The following RPTOR variants were observed in gnomAD, a reference collection of about 807,000 sequenced individuals.
RPTOR encodes regulatory associated protein of MTOR complex 1.
In RPTOR, 21 loss-of-function variants were observed where a neutral mutation model predicts 169.9. The observed-to-expected ratio is 0.12, with a 90% CI of 0.09 to 0.18. The LOEUF (loss-of-function observed/expected upper bound fraction) is 0.18. RPTOR is among the 10% of genes least tolerant of loss of function. RPTOR has a pLI of 1.00. For synonymous variants in RPTOR, 732 were observed against 753.2 expected (o/e 0.97, Z 0.46); for missense variants, 1,133 against 1,855.9 (o/e 0.61, Z 7.16).
chr17:80,669,264 TCTTGCC>T (rs2065804003), intron 3 of RPTOR, among the ~76,000 whole-genome samples: 1 of 152,354 alleles, frequency 6.6e-6, no homozygotes, highest in East Asian at 1.9e-4. Context: ...ATTCTTCTTC[TCTTGCC>T]CTTGCACGGA....
intron 2 of RPTOR, among the ~76,000 whole-genome samples, chr17:80,634,122 G>GTGTGTGTGCATAC (rs2065463395): frequency 6.7e-6 from 1 of 149,098 alleles, no homozygotes; most frequent in African/African-American, 2.5e-5. Context: ...TGCATACTGT[G>GTGTGTGTGCATAC]TGTGTGTGTG....
chr17:80,654,071 A>T (rs1366449231), intron 3 of RPTOR, among the ~76,000 whole-genome samples: 1 of 152,246 alleles, frequency 6.6e-6, no homozygotes, highest in East Asian at 1.9e-4. Context: ...CCCTGAGAAC[A>T]GATGCCAGAT....
At chr17:80,719,127 G>A (rs539940034) in intron 4 of RPTOR, among the ~76,000 whole-genome samples, 1 of 152,130 alleles carries the variant, frequency 6.6e-6, no homozygotes, top group Non-Finnish European at 1.5e-5. Flanking sequence ...TGAGAAGTAG[G>A]GGCAGACATG....
At chr17:80,842,158 C>G (rs909914956) in intron 10 of RPTOR, among the ~76,000 whole-genome samples, 2 of 152,212 alleles carry the variant, frequency 1.3e-5, no homozygotes, top group African/African-American at 4.8e-5. Context: ...GTTTTCAGTC[C>G]TCACTAACAG....
rs952449816 is a variant in RPTOR at position 80,695,854 on chromosome 17, G to A, written c.349-11987G>A. On this transcript the variant is annotated intron_variant, in intron 3 of 33. Transcript: ENST00000306801. The surrounding 1 kb of genome is among the most constrained non-coding windows in gnomAD (Gnocchi z 4.9). The stretch of plus-strand genomic sequence containing the variant: ...GGCTGGAGCTGGTGGGCCAAGGGCC[G>A]CAGACCACTTTTGCCCTGCATGGCC... 6.6e-6 allele frequency among the ~76,000 whole-genome samples: 1 copy of A among 152,216 alleles called. No homozygotes were observed. Among genetic ancestry groups the A allele is most frequent in the African/African-American group, 2.4e-5 (1 of 41,440 alleles).
chr17:80,708,971 G>C lies in RPTOR; in HGVS notation c.507+972G>C, dbSNP rs1170118555. On this transcript the variant is annotated intron_variant, in intron 4 of 33. Transcript: ENST00000306801. The surrounding 1 kb of genome is among the most constrained non-coding windows in gnomAD (Gnocchi z 4.2). ...CTCTGACTCCGTTTCTTCACACACT[G>C]AACTCTCGGTTCCCGCCTACCGTCC... The C allele has an allele frequency of 2.0e-6, 2 of 985,728 alleles. No individual in the cohort carries two copies. The highest frequency in any genetic ancestry group is 1.2e-6 in the Non-Finnish European group (1 of 829,960). The allele number at this position is 985,728 out of a possible 1,614,324, so 61.1% of individuals were successfully genotyped here.
Position 80,965,391 on chromosome 17 carries a change from A to G in RPTOR, c.*1061A>G, listed in dbSNP as rs1170787823. On this transcript the variant is annotated 3_prime_UTR_variant, in exon 34 of 34. Coordinates refer to ENST00000306801, the MANE Select transcript of RPTOR (RefSeq NM_020761.3). ...CCCCGTCTCCAGCCTTGAGCCGCCC[A>G]TGCTGATGCGACCTCGGCTGACAGC... The G allele has an allele frequency of 8.6e-6, 2 of 233,228 alleles. No individual in the cohort carries two copies. The highest frequency in any genetic ancestry group is 5.6e-5 in the Admixed American group (1 of 17,784). The allele number at this position is 233,228 out of a possible 1,614,324, so 14.4% of individuals were successfully genotyped here. A position where few individuals can be genotyped will look rare whatever the true frequency, so the allele number is the denominator to read the frequency against.
At chr17:80,776,327 T>G in intron 6 of RPTOR, among the ~76,000 whole-genome samples, 1 of 145,378 alleles carries the variant, frequency 6.9e-6, no homozygotes, top group Non-Finnish European at 1.5e-5. Flanking sequence ...CTTCCTTTTT[T>G]TTTTTTTTTT....
At chr17:80,870,989 T>C (rs1461321451) in intron 13 of RPTOR, among the ~76,000 whole-genome samples, 2 of 152,344 alleles carry the variant, frequency 1.3e-5, no homozygotes, top group Admixed American at 1.3e-4. Flanking sequence ...CCTCGTGTCT[T>C]CTTGGGCTTC....
chr17:80,941,060 G>A (rs1372654381), intron 25 of RPTOR, among the ~76,000 whole-genome samples: 1 of 152,224 alleles, frequency 6.6e-6, no homozygotes, highest in African/African-American at 2.4e-5. Context: ...ATCCTTCCCT[G>A]GAAACAGGAA....
intron 13 of RPTOR, among the ~76,000 whole-genome samples, chr17:80,876,587 G>C (rs531272670): frequency 3.2e-5 from 4 of 125,778 alleles, no homozygotes; most frequent in East Asian, 4.8e-4. Context: ...CGCCTGCCGG[G>C]TCTTCCACCA....
At chr17:80,899,066 A>ACCCAGACACGCCAGCTTAG (rs2068443444) in intron 20 of RPTOR, among the ~76,000 whole-genome samples, 1 of 151,950 alleles carries the variant, frequency 6.6e-6, no homozygotes, top group Non-Finnish European at 1.5e-5. Flanking sequence ...CTACACAACA[A>ACCCAGACACGCCAGCTTAG]CCCAGACACG....
At chr17:80,800,101 G>A (rs1417512360) in intron 7 of RPTOR, among the ~76,000 whole-genome samples, 3 of 152,216 alleles carry the variant, frequency 2.0e-5, no homozygotes, top group African/African-American at 7.2e-5. Flanking sequence ...TTTGGGGGCT[G>A]AGTGTGGCAC....
intron 4 of RPTOR, among the ~76,000 whole-genome samples, chr17:80,709,531 C>T (rs1211721607): frequency 2.6e-5 from 4 of 152,232 alleles, no homozygotes; most frequent in Admixed American, 6.5e-5. Flanking sequence ...TTCATGCCAC[C>T]GACCCCAGGG....
At chr17:80,882,879 G>A (rs940934376) in intron 14 of RPTOR, among the ~76,000 whole-genome samples, 2 of 152,222 alleles carry the variant, frequency 1.3e-5, no homozygotes, top group Non-Finnish European at 1.5e-5. Context: ...ACCGCGCGAC[G>A]TGTGTGTAAA....
At chr17:80,565,035 T>G (rs2084561875) in intron 1 of RPTOR, among the ~76,000 whole-genome samples, 1 of 152,220 alleles carries the variant, frequency 6.6e-6, no homozygotes, top group Non-Finnish European at 1.5e-5. Context: ...TGATGGACAT[T>G]TAGGTTGATT....
intron 10 of RPTOR, among the ~76,000 whole-genome samples, chr17:80,843,797 A>G (rs2067697017): frequency 6.6e-6 from 1 of 152,196 alleles, no homozygotes; most frequent in African/African-American, 2.4e-5. Context: ...GTCCAGCCGG[A>G]CGGGCTCCAC....
At chr17:80,565,708 G>A (rs900490842) in intron 1 of RPTOR, among the ~76,000 whole-genome samples, 1 of 151,376 alleles carries the variant, frequency 6.6e-6, no homozygotes, top group Non-Finnish European at 1.5e-5. Flanking sequence ...GAGCTGTCTC[G>A]CTCTGTACTT....
At chr17:80,652,598 A>G (rs1436971582) in intron 3 of RPTOR, among the ~76,000 whole-genome samples, 2 of 152,180 alleles carry the variant, frequency 1.3e-5, no homozygotes, top group African/African-American at 4.8e-5. Context: ...AACTCTTTCT[A>G]TAGCTGAAAA....
Sources: gnomAD v4.1 joint callset for allele counts (sites outside exome capture counted in the v4.1 genomes callset) on GRCh38, gnomAD v4.1.1 for gene constraint, Gnocchi (gnomAD v3.1) non-coding constraint, MANE v1.5 for transcripts, NCBI Gene and HGNC (gene_info 2026-07-23, HGNC 2026-07-21) for gene names.